Variants in SLC24A2 observed in about 807,000 individuals in gnomAD.
The protein encoded by SLC24A2 is solute carrier family 24 member 2.
A neutral mutation model predicts 62.0 loss-of-function variants in SLC24A2; 36 were observed. That is an observed-to-expected ratio of 0.58 (90% CI 0.44 to 0.77). The LOEUF (loss-of-function observed/expected upper bound fraction) is 0.77. Ranked by LOEUF, SLC24A2 falls within the 30% of genes least tolerant of loss-of-function variation. SLC24A2 has a pLI of 0.00. For missense variants in SLC24A2, 846 were observed against 817.9 expected, an observed-to-expected ratio of 1.03 and a Z score of -0.42; for synonymous variants, 358 against 294.0, an observed-to-expected ratio of 1.22 and a Z score of -2.23.
chr9:19,799,553 GTCAGCTTAAAA>G, the SLC24A2 span, among the ~76,000 whole-genome samples: 1 of 152,140 alleles, frequency 6.6e-6, no homozygotes, highest in African/African-American at 2.4e-5. Flanking sequence ...TGAAATACCT[GTCAGCTTAAAA>G]TCAGCTTAAA....
chr9:20,068,117 G>A, the SLC24A2 span, among the ~76,000 whole-genome samples: 2 of 137,422 alleles, frequency 1.5e-5, no homozygotes, highest in Non-Finnish European at 3.0e-5. Context: ...AGGCTGGAGT[G>A]CAGTGGTGCA....
chr9:19,829,504 C>T, the SLC24A2 span, among the ~76,000 whole-genome samples: 1 of 152,032 alleles, frequency 6.6e-6, no homozygotes, highest in African/African-American at 2.4e-5. Context: ...CTAAAAAGCT[C>T]TTTAATTTTT....
chr9:20,278,340 G>A, the SLC24A2 span, among the ~76,000 whole-genome samples: 4 of 152,066 alleles, frequency 2.6e-5, no homozygotes, highest in Admixed American at 2.6e-4. Flanking sequence ...TTAAATATAA[G>A]TTCCAACTCC....
the SLC24A2 span, among the ~76,000 whole-genome samples, chr9:20,013,893 T>A: frequency 1.3e-5 from 2 of 152,220 alleles, no homozygotes; most frequent in Non-Finnish European, 2.9e-5. Flanking sequence ...ACCTCAAATC[T>A]ATTCAAATGG....
chr9:20,145,997 G>T, the SLC24A2 span, among the ~76,000 whole-genome samples: 1 of 151,862 alleles, frequency 6.6e-6, no homozygotes, highest in East Asian at 1.9e-4. Context: ...GCATAGTATG[G>T]CATTAAATAA....
At chr9:20,136,730 A>G in the SLC24A2 span, among the ~76,000 whole-genome samples, 1 of 152,178 alleles carries the variant, frequency 6.6e-6, no homozygotes, top group East Asian at 1.9e-4. Context: ...AACAATAGCA[A>G]TGATTCAGAA....
intron 2 of SLC24A2, among the ~76,000 whole-genome samples, chr9:19,686,206 G>C: frequency 6.6e-6 from 1 of 152,028 alleles, no homozygotes; most frequent in East Asian, 1.9e-4. Flanking sequence ...CAAAACCACA[G>C]TGGGATACCA....
Position 19,616,100 on chromosome 9 carries a change from T to C in SLC24A2, c.1078+3484A>G, listed in dbSNP as rs1036383215. Among the ~76,000 whole-genome samples the C allele has an allele frequency of 3.9e-5, 6 of 151,962 alleles. No individual in the cohort carries two copies. The East Asian group carries it at 5.8e-4, about 15-fold the overall frequency. ...TGAAACTGGAAACTGTGGTTTCCTC[T>C]GTGGAGAATTGGGGAACTGGAGAAA... On this transcript the variant is annotated intron_variant, in intron 4 of 10. Coordinates refer to ENST00000341998, the MANE Select transcript of SLC24A2 (RefSeq NM_020344.4).
Position 19,557,505 on chromosome 9 carries a change from C to T in SLC24A2, c.1348-7237G>A, listed in dbSNP as rs188381075. ...GCTTGTTTACTCATGTCTCCAGAAA[C>T]GTGACCTTTAATCATCCATGTGTAA... On this transcript the variant is annotated intron_variant, in intron 7 of 10. Transcript: ENST00000341998. Among the ~76,000 whole-genome samples, 53 of 152,302 alleles carry T rather than the reference C, an allele frequency of 3.5e-4. 2 individuals carry two copies. In the East Asian group the frequency reaches 4.4e-3, roughly 13 times the overall value.
intron 2 of SLC24A2, among the ~76,000 whole-genome samples, chr9:19,785,455 G>C (rs1158894901): frequency 6.6e-6 from 1 of 152,210 alleles, no homozygotes; most frequent in Non-Finnish European, 1.5e-5. Context: ...TGCTGGGCTA[G>C]GCTGCTGACT....
chr9:19,646,757 T>C (rs952413598), intron 2 of SLC24A2, among the ~76,000 whole-genome samples: 1 of 152,168 alleles, frequency 6.6e-6, no homozygotes, highest in Non-Finnish European at 1.5e-5. Context: ...TTTTCGTGGC[T>C]TTTACAGCCT....
At chr9:19,891,338 C>A in the SLC24A2 span, among the ~76,000 whole-genome samples, 3 of 152,210 alleles carry the variant, frequency 2.0e-5, no homozygotes, top group African/African-American at 7.2e-5. Flanking sequence ...AATCTAGAAT[C>A]TTCCTTCACT....
intron 10 of SLC24A2, among the ~76,000 whole-genome samples, chr9:19,518,771 A>G (rs940645234): frequency 2.7e-4 from 41 of 152,306 alleles, no homozygotes; most frequent in African/African-American, 8.7e-4. Flanking sequence ...TTAGAAGCAT[A>G]AAGAAAATGC....
chr9:19,662,325 T>A (rs1819125386), intron 2 of SLC24A2, among the ~76,000 whole-genome samples: 1 of 152,200 alleles, frequency 6.6e-6, no homozygotes, highest in South Asian at 2.1e-4. Flanking sequence ...ATACAACACA[T>A]TTCAATTCAG....
chr9:19,714,511 C>T (rs1347845864), intron 2 of SLC24A2, among the ~76,000 whole-genome samples: 6 of 152,200 alleles, frequency 3.9e-5, no homozygotes, highest in African/African-American at 1.2e-4. Context: ...TTCAGTAGTC[C>T]TCTAAACCTT....
the SLC24A2 span, among the ~76,000 whole-genome samples, chr9:19,872,984 G>A: frequency 1.3e-5 from 2 of 152,244 alleles, no homozygotes; most frequent in Non-Finnish European, 2.9e-5. Context: ...CAAAGATGTT[G>A]GTTAATGGTT....
chr9:19,825,518 T>C, the SLC24A2 span, among the ~76,000 whole-genome samples: 1 of 152,134 alleles, frequency 6.6e-6, no homozygotes, highest in African/African-American at 2.4e-5. Flanking sequence ...ATATGGGATA[T>C]AGGGTCTAAC....
chr9:20,105,645 A>G, the SLC24A2 span, among the ~76,000 whole-genome samples: 2 of 152,000 alleles, frequency 1.3e-5, no homozygotes, highest in Non-Finnish European at 2.9e-5. Flanking sequence ...GTTCTTTGAA[A>G]CCAATGAGAA....
intron 2 of SLC24A2, among the ~76,000 whole-genome samples, chr9:19,658,908 C>T (rs1819014903): frequency 6.6e-6 from 1 of 152,192 alleles, no homozygotes; most frequent in South Asian, 2.1e-4. Flanking sequence ...TCCCTCTCTC[C>T]CTTGAACCTT....
Sources: gnomAD v4.1 joint callset for allele counts (sites outside exome capture counted in the v4.1 genomes callset) on GRCh38, gnomAD v4.1.1 for gene constraint, MANE v1.5 for transcripts, NCBI Gene and HGNC (gene_info 2026-07-23, HGNC 2026-07-21) for gene names.